The following ARHGAP24 variants were observed in gnomAD, a reference collection of about 807,000 sequenced individuals.
ARHGAP24 encodes the protein rho GTPase-activating protein 24.
In ARHGAP24, 50 loss-of-function variants were observed where a neutral mutation model predicts 76.4. The observed-to-expected ratio is 0.65, with a 90% CI of 0.52 to 0.83. ARHGAP24 has a LOEUF of 0.83. Among genes scored for constraint, ARHGAP24 ranks in the 40% least tolerant of loss-of-function variants. ARHGAP24 has a pLI of 0.00. For missense variants in ARHGAP24, 930 were observed against 914.2 expected, an observed-to-expected ratio of 1.02 and a Z score of -0.22; for synonymous variants, 345 against 323.3, an observed-to-expected ratio of 1.07 and a Z score of -0.72.
At chr4:85,642,822 T>C (rs772591925) in intron 2 of ARHGAP24, among the ~76,000 whole-genome samples, 4 of 152,134 alleles carry the variant, frequency 2.6e-5, no homozygotes, top group Admixed American at 2.6e-4. Context: ...ACTTGTCAGA[T>C]CATGTCACTG....
At chr4:85,672,627 A>AAAAG (rs1287635643) in intron 2 of ARHGAP24, among the ~76,000 whole-genome samples, 5 of 152,170 alleles carry the variant, frequency 3.3e-5, no homozygotes, top group African/African-American at 1.2e-4. Context: ...GCACAAACCA[A>AAAAG]AAAGAGAGGT....
chr4:85,955,951 A>T (rs564383272), intron 5 of ARHGAP24, among the ~76,000 whole-genome samples: 1 of 152,306 alleles, frequency 6.6e-6, no homozygotes, highest in African/African-American at 2.4e-5. Flanking sequence ...TTTACACTTT[A>T]TTCCATGCAA....
chr4:85,854,286 T>A (rs1239932262), intron 3 of ARHGAP24, among the ~76,000 whole-genome samples: 2 of 152,194 alleles, frequency 1.3e-5, no homozygotes, highest in Non-Finnish European at 2.9e-5. Flanking sequence ...TAATGAAATT[T>A]AAACATGAGA....
At chr4:85,957,100 C>T (rs758902121) in intron 5 of ARHGAP24, among the ~76,000 whole-genome samples, 12 of 152,092 alleles carry the variant, frequency 7.9e-5, no homozygotes, top group Non-Finnish European at 1.3e-4. Flanking sequence ...AGTTGCAAGC[C>T]GCTTGTTTAA....
chr4:85,930,681 A>G, intron 4 of ARHGAP24: 10 of 1,176,526 alleles, frequency 8.5e-6, no homozygotes, highest in African/African-American at 1.6e-5. Context: ...CTTAAAAAAA[A>G]GAAAAAAAAA....
intron 2 of ARHGAP24, among the ~76,000 whole-genome samples, chr4:85,606,027 G>T (rs1056845727): frequency 2.6e-5 from 4 of 152,084 alleles, no homozygotes; most frequent in Non-Finnish European, 4.4e-5. Flanking sequence ...TCTTCCCACT[G>T]GAGTTATTTC....
intron 2 of ARHGAP24, among the ~76,000 whole-genome samples, chr4:85,605,725 T>A (rs1720171742): frequency 6.6e-6 from 1 of 152,160 alleles, no homozygotes. Context: ...TACAGGGGAA[T>A]GTTTATAGAT....
At chr4:85,827,818 T>G (rs1004701432) in intron 3 of ARHGAP24, 6 of 904,288 alleles carry the variant, frequency 6.6e-6, no homozygotes, top group Non-Finnish European at 9.3e-6. Context: ...TCCTGGGTGA[T>G]GGAGTCATGG....
At chr4:85,662,483 T>C (rs1432760103) in intron 2 of ARHGAP24, among the ~76,000 whole-genome samples, 1 of 151,358 alleles carries the variant, frequency 6.6e-6, no homozygotes, top group African/African-American at 2.5e-5. Context: ...TTCACTCTGA[T>C]GGTAGTTTCT....
At chr4:85,808,756 T>C (rs1009256469) in intron 3 of ARHGAP24, among the ~76,000 whole-genome samples, 1 of 152,180 alleles carries the variant, frequency 6.6e-6, no homozygotes, top group Non-Finnish European at 1.5e-5. Context: ...ATTCCTGTTC[T>C]GCCATCTCAG....
In ARHGAP24 at chr4:85,975,034, A is replaced by G. The variant is rs41282385; in HGVS notation, c.806+73A>G. 5.6e-3 allele frequency: 7,757 copies of G among 1,376,960 alleles called. 50 individuals are homozygous for G. The highest frequency in any genetic ancestry group is 8.5e-3 in the Admixed American group (503 of 59,402). 85.3% of individuals were successfully genotyped at this position (1,376,960 alleles called of 1,614,324 possible). ...GCCTGATACTAATTTGTGTTTGACA[A>G]CGAATAAAATCACTCAACTACTTCG... On this transcript the variant is annotated intron_variant, in intron 7 of 9. Transcript: ENST00000395184.
rs1560512768 is a variant in ARHGAP24, at chr4:85,506,907, C to CA, written c.-21+31349dup. Among the ~76,000 whole-genome samples, 22 of 151,696 alleles carry CA rather than the reference C, an allele frequency of 1.5e-4. No homozygotes were observed. In the South Asian group the frequency reaches 4.6e-3, roughly 32 times the overall value. On this transcript the variant is annotated intron_variant, in intron 1 of 9. Coordinates refer to ENST00000395184, the MANE Select transcript of ARHGAP24 (RefSeq NM_001025616.3). ...GGATCTAAGCCTTTTTTTTTCCCCC[C>CA]ATGTGGAACTTAGAAATGTGATAAA...
At position 86,001,967 on chromosome 4, in the gene ARHGAP24, A is replaced by C. The variant is rs1448787971; in HGVS notation, c.*1245A>C. On this transcript the variant is annotated 3_prime_UTR_variant, in exon 10 of 10. Coordinates refer to ENST00000395184, the MANE Select transcript of ARHGAP24 (RefSeq NM_001025616.3). ...ATAATTTTAAAAGGTGAATGCCTAA[A>C]GTTCCAATTTTAGCAAATATGGGAA... The C allele has an allele frequency of 6.6e-6, 1 of 152,280 alleles. No individual in the cohort carries two copies. Among genetic ancestry groups the C allele is most frequent in the Non-Finnish European group, 1.5e-5 (1 of 68,066 alleles). 9.4% of individuals were successfully genotyped at this position (152,280 alleles called of 1,614,324 possible).
chr4:85,481,240 G>A (rs1453883122), intron 1 of ARHGAP24, among the ~76,000 whole-genome samples: 3 of 152,080 alleles, frequency 2.0e-5, no homozygotes, highest in Non-Finnish European at 4.4e-5. Flanking sequence ...GGATGTTTAG[G>A]CTCAGAGAGG....
At chr4:85,933,498 A>C (rs1437540834) in intron 4 of ARHGAP24, among the ~76,000 whole-genome samples, 1 of 152,020 alleles carries the variant, frequency 6.6e-6, no homozygotes, top group Non-Finnish European at 1.5e-5. Context: ...TTCAACTCTC[A>C]TTCTTTGTTT....
chr4:85,983,766 G>A (rs984254137), intron 8 of ARHGAP24, among the ~76,000 whole-genome samples: 2 of 152,080 alleles, frequency 1.3e-5, no homozygotes, highest in Admixed American at 6.5e-5. Context: ...ATCCACCCAA[G>A]CAGGGTCTCT....
At chr4:85,817,300 G>A (rs1478038137) in intron 3 of ARHGAP24, among the ~76,000 whole-genome samples, 1 of 152,168 alleles carries the variant, frequency 6.6e-6, no homozygotes, top group East Asian at 1.9e-4. Context: ...TTTGTCAGCT[G>A]TGCTTTATAA....
intron 3 of ARHGAP24, among the ~76,000 whole-genome samples, chr4:85,829,972 G>A (rs1729907627): frequency 6.6e-6 from 1 of 152,228 alleles, no homozygotes; most frequent in Non-Finnish European, 1.5e-5. Context: ...AAGGTTTAGA[G>A]AATTTAGGTA....
chr4:85,887,263 A>G (rs1017915558), intron 3 of ARHGAP24, among the ~76,000 whole-genome samples: 5 of 152,190 alleles, frequency 3.3e-5, no homozygotes, highest in African/African-American at 1.2e-4. Context: ...CTAACATTTA[A>G]TTAAAAGATT....
Sources: allele counts gnomAD v4.1 joint callset (sites outside exome capture counted in the v4.1 genomes callset), GRCh38; gene constraint gnomAD v4.1.1; transcripts MANE v1.5; gene names NCBI Gene and HGNC (gene_info 2026-07-23, HGNC 2026-07-21).